ARRDC5: variants seen among roughly 807,000 people sequenced by gnomAD.
ARRDC5 encodes arrestin domain-containing protein 5.
A neutral mutation model predicts 13.3 loss-of-function variants in ARRDC5; 12 were observed. That is an observed-to-expected ratio of 0.90 (90% CI 0.58 to 1.46). ARRDC5 has a LOEUF of 1.46. Among genes scored for constraint, ARRDC5 ranks in the 40% most tolerant of loss-of-function variants. The probability of loss-of-function intolerance (pLI) is 0.00; values close to 1 mark genes in which losing one functional copy is unlikely to be tolerated. For missense variants in ARRDC5, 406 were observed against 418.7 expected, an observed-to-expected ratio of 0.97 and a Z score of 0.26; for synonymous variants, 181 against 173.4, an observed-to-expected ratio of 1.04 and a Z score of -0.34.
intron 2 of ARRDC5, among the ~76,000 whole-genome samples, chr19:4,892,714 T>G (rs1224636565): frequency 2.0e-5 from 3 of 152,114 alleles, no homozygotes; most frequent in African/African-American, 7.2e-5. Context: ...TTCTGATATT[T>G]TTATTCTACT....
intron 2 of ARRDC5, among the ~76,000 whole-genome samples, chr19:4,893,116 A>G (rs2031567819): frequency 7.1e-6 from 1 of 141,632 alleles, no homozygotes; most frequent in African/African-American, 2.6e-5. Flanking sequence ...ATAAATATAT[A>G]TATTATAATA....
At chr19:4,910,671 C>T in the ARRDC5 span, 2 of 441,210 alleles carry the variant, frequency 4.5e-6, no homozygotes, top group African/African-American at 2.0e-5. Flanking sequence ...ATCTTCAACA[C>T]TTGGCTAGTC....
At chr19:4,898,773 C>G (rs1053810649) in intron 1 of ARRDC5, among the ~76,000 whole-genome samples, 1 of 148,290 alleles carries the variant, frequency 6.7e-6, no homozygotes, top group Non-Finnish European at 1.5e-5. Flanking sequence ...ACTACAGGCG[C>G]GTGTCACCAC....
At chr19:4,901,638 A>C (rs2031918615) in intron 1 of ARRDC5, among the ~76,000 whole-genome samples, 2 of 152,106 alleles carry the variant, frequency 1.3e-5, no homozygotes, top group Admixed American at 1.3e-4. Context: ...TAAATAAATA[A>C]GATACAAATA....
At position 4,896,349 on chromosome 19, in the gene ARRDC5, T is replaced by TATATATA. The variant is rs1491487740; in HGVS notation, c.459+321_459+322insTATATAT. ...AAAAAAATATATATATATATATATATTTTTTTTTTTTTACACACACACACA... is the reference window on the plus strand; with the variant it reads ...AAAAAAATATATATATATATATATATATATATATTTTTTTTTTTTACACACACACACA... On this transcript the variant is annotated intron_variant, in intron 2 of 2. Transcript: ENST00000650722. Among the ~76,000 whole-genome samples the TATATATA allele has an allele frequency of 7.0e-3, 213 of 30,588 alleles. 4 individuals are homozygous for TATATATA. The highest frequency in any genetic ancestry group is 0.026 in the African/African-American group (201 of 7,798). 20.1% of individuals were successfully genotyped at this position (30,588 alleles called of 152,430 possible). A position where few individuals can be genotyped will look rare whatever the true frequency, so the allele number is the denominator to read the frequency against.
In ARRDC5 at chr19:4,896,895, G is replaced by A. The variant is rs758871473; in HGVS notation, c.254-19C>T. Reference sequence around the variant, plus strand: ...CAATTATCTGAAAGCAAAACACACCGATGCCATCAGAAGGTTCTAGAATCT... The same window carrying A: ...CAATTATCTGAAAGCAAAACACACCAATGCCATCAGAAGGTTCTAGAATCT... On this transcript the variant is annotated intron_variant, in intron 1 of 2. Transcript: ENST00000650722. The A allele has an allele frequency of 2.2e-5, 35 of 1,565,630 alleles. No individual in the cohort carries two copies. The highest frequency in any genetic ancestry group is 3.3e-4 in the Middle Eastern group (2 of 5,980).
intron 2 of ARRDC5, among the ~76,000 whole-genome samples, chr19:4,896,369 C>T (rs1207698857): frequency 3.9e-5 from 4 of 102,592 alleles, no homozygotes; most frequent in African/African-American, 1.6e-4. Context: ...TTTACACACA[C>T]ACACACACAC....
At chr19:4,893,080 C>T (rs960067935) in intron 2 of ARRDC5, among the ~76,000 whole-genome samples, 4 of 141,838 alleles carry the variant, frequency 2.8e-5, no homozygotes, top group South Asian at 4.4e-4. Context: ...TCCAGTCTGG[C>T]GAAAGAGCAA....
chr19:4,913,138 T>G, the ARRDC5 span, among the ~76,000 whole-genome samples: 1 of 152,098 alleles, frequency 6.6e-6, no homozygotes, highest in Admixed American at 6.6e-5. Flanking sequence ...CCAAAACCCC[T>G]ATCTCCCCTC....
intron 1 of ARRDC5, among the ~76,000 whole-genome samples, chr19:4,900,424 A>G (rs1335124660): frequency 6.6e-6 from 1 of 152,076 alleles, no homozygotes; most frequent in African/African-American, 2.4e-5. Context: ...GGCCAGAAAT[A>G]GCAATTTTTA....
upstream of ARRDC5, among the ~76,000 whole-genome samples, chr19:4,905,502 T>C (rs1405640308): frequency 1.3e-5 from 2 of 151,456 alleles, no homozygotes; most frequent in Non-Finnish European, 2.9e-5. Flanking sequence ...TGTTAGTGTA[T>C]TTTATTATTT....
chr19:4,909,459 C>A, the ARRDC5 span: 1 of 653,716 alleles, frequency 1.5e-6, no homozygotes, highest in Non-Finnish European at 2.8e-6. Flanking sequence ...CCTCCTGCGG[C>A]CCCGCAACTC....
the ARRDC5 span, among the ~76,000 whole-genome samples, chr19:4,914,240 T>C: frequency 6.6e-6 from 1 of 151,972 alleles, no homozygotes; most frequent in Non-Finnish European, 1.5e-5. Context: ...GCAGGGAGGT[T>C]TGGACAGTGG....
In ARRDC5 at chr19:4,898,665, C is replaced by CTTTTTTTTTTTTT. The variant is rs71170878; in HGVS notation, c.254-1802_254-1790dup. Among the ~76,000 whole-genome samples the CTTTTTTTTTTTTT allele has an allele frequency of 1.2e-3, 155 of 130,540 alleles. 2 individuals are homozygous for CTTTTTTTTTTTTT. Among genetic ancestry groups the CTTTTTTTTTTTTT allele is most frequent in the Non-Finnish European group, 1.5e-3 (92 of 60,946 alleles). The allele number at this position is 130,540 out of a possible 152,430, so 85.6% of individuals were successfully genotyped here. A position where few individuals can be genotyped will look rare whatever the true frequency, so the allele number is the denominator to read the frequency against. On this transcript the variant is annotated intron_variant, in intron 1 of 2. Transcript: ENST00000650722. Reference sequence around the variant, plus strand: ...GCATAAGCCATCAGGCGGGCTTGGCCTTTTTTTTTTTTTTTGAGACAGGGT... The same window carrying CTTTTTTTTTTTTT: ...GCATAAGCCATCAGGCGGGCTTGGCCTTTTTTTTTTTTTTTTTTTTTTTTTTTTGAGACAGGGT...
the ARRDC5 span, among the ~76,000 whole-genome samples, chr19:4,916,245 G>T: frequency 6.6e-6 from 1 of 151,780 alleles, no homozygotes; most frequent in Non-Finnish European, 1.5e-5. Flanking sequence ...GGTTGAGGCT[G>T]CAGTGAACCA....
At chr19:4,895,493 C>T (rs991274042) in intron 2 of ARRDC5, among the ~76,000 whole-genome samples, 56 of 151,012 alleles carry the variant, frequency 3.7e-4, no homozygotes, top group Non-Finnish European at 6.8e-4. Flanking sequence ...TGACATTTGT[C>T]GTCCTGTCCC....
chr19:4,903,121 G>T, upstream of ARRDC5: 2 of 366,634 alleles, frequency 5.5e-6, no homozygotes, highest in Non-Finnish European at 1.0e-5. Flanking sequence ...CCGCCTCATG[G>T]GTTCAAGCAA....
the ARRDC5 span, among the ~76,000 whole-genome samples, chr19:4,914,112 C>G: frequency 2.0e-5 from 3 of 152,220 alleles, no homozygotes; most frequent in South Asian, 6.2e-4. Context: ...AGGTGTGAAC[C>G]GTCGCATCCG....
chr19:4,896,348 ATT>A (rs1225628606), intron 2 of ARRDC5, among the ~76,000 whole-genome samples: 2,293 of 59,464 alleles, frequency 0.039, 128 homozygotes, highest in South Asian at 0.053. Context: ...ATATATATAT[ATT>A]TTTTTTTTTT....
Sources: gnomAD v4.1 joint callset for allele counts (sites outside exome capture counted in the v4.1 genomes callset) on GRCh38, gnomAD v4.1.1 for gene constraint, MANE v1.5 for transcripts, NCBI Gene and HGNC (gene_info 2026-07-23, HGNC 2026-07-21) for gene names.